The following TMEM120B variants were observed in gnomAD, a reference collection of about 807,000 sequenced individuals.
TMEM120B encodes the protein transmembrane protein 120B.
In TMEM120B, 31 loss-of-function variants were observed where a neutral mutation model predicts 55.5. The observed-to-expected ratio is 0.56, with a 90% confidence interval of 0.42 to 0.75. The LOEUF is 0.75. Ranked by LOEUF, TMEM120B falls within the 30% of genes least tolerant of loss-of-function variation. The pLI, the probability that TMEM120B is intolerant of heterozygous loss-of-function variation, is 0.00. For synonymous variants in TMEM120B, 203 were observed against 176.3 expected, an observed-to-expected ratio of 1.15 and a Z score of -1.20; for missense variants, 399 against 425.5, an observed-to-expected ratio of 0.94 and a Z score of 0.55.
chr12:121,721,804 CTTTTTT>C (rs56702857), intron 1 of TMEM120B, among the ~76,000 whole-genome samples: 1 of 91,878 alleles, frequency 1.1e-5, no homozygotes, highest in African/African-American at 4.7e-5. Flanking sequence ...ATCAGTTCTA[CTTTTTT>C]TTTTTTTTTT....
intron 1 of TMEM120B, among the ~76,000 whole-genome samples, chr12:121,731,262 A>AT (rs1566509427): frequency 6.6e-6 from 1 of 151,690 alleles, no homozygotes; most frequent in Non-Finnish European, 1.5e-5. Context: ...TATTTATTTT[A>AT]TTTTTTTCAG....
chr12:121,773,996 C>G (rs529312087), intron 9 of TMEM120B, among the ~76,000 whole-genome samples: 1 of 143,934 alleles, frequency 6.9e-6, no homozygotes, highest in African/African-American at 2.6e-5. Context: ...CTCACTCTTG[C>G]CCAGGCTGCA....
intron 6 of TMEM120B, among the ~76,000 whole-genome samples, chr12:121,770,204 C>T (rs2137369341): frequency 6.6e-6 from 1 of 152,130 alleles, no homozygotes; most frequent in Non-Finnish European, 1.5e-5. Flanking sequence ...GGGCTGGTTT[C>T]TCCTGAGACC....
At chr12:121,742,583 T>C (rs1416774098) in intron 1 of TMEM120B, among the ~76,000 whole-genome samples, 13 of 152,150 alleles carry the variant, frequency 8.5e-5, no homozygotes, top group Admixed American at 7.2e-4. Context: ...CTTATTGTTT[T>C]TGTTTTTATT....
intron 1 of TMEM120B, among the ~76,000 whole-genome samples, chr12:121,734,998 G>T (rs1270419325): frequency 2.0e-5 from 3 of 151,758 alleles, no homozygotes; most frequent in African/African-American, 4.8e-5. Flanking sequence ...CTGCCCATGG[G>T]TTAGCCCTGC....
chr12:121,751,719 C>A (rs1444604536), intron 4 of TMEM120B, among the ~76,000 whole-genome samples: 1 of 150,254 alleles, frequency 6.7e-6, no homozygotes, highest in Admixed American at 6.7e-5. Context: ...CCATTTCGCA[C>A]AAGAAATGGC....
intron 1 of TMEM120B, among the ~76,000 whole-genome samples, chr12:121,738,676 C>T (rs549642497): frequency 2.1e-3 from 316 of 152,244 alleles, no homozygotes; most frequent in African/African-American, 7.2e-3. Context: ...GAAAGTTGGA[C>T]GCTACATAGC....
intron 6 of TMEM120B, among the ~76,000 whole-genome samples, chr12:121,761,940 A>T (rs1873692060): frequency 6.6e-6 from 1 of 152,152 alleles, no homozygotes; most frequent in African/African-American, 2.4e-5. Context: ...CTTGCTTATG[A>T]GCAATAGAAG....
chr12:121,733,161 G>C (rs980660972), intron 1 of TMEM120B, among the ~76,000 whole-genome samples: 1 of 152,074 alleles, frequency 6.6e-6, no homozygotes, highest in Non-Finnish European at 1.5e-5. Context: ...TAAATATCCA[G>C]CAATAGGGGA....
rs568182225 is a variant in TMEM120B at position 121,750,829 on chromosome 12, C to A, written c.365+390C>A. On this transcript the variant is annotated intron_variant, in intron 4 of 11. Coordinates refer to ENST00000449592, the MANE Select transcript of TMEM120B (RefSeq NM_001080825.2). The stretch of plus-strand genomic sequence containing the variant: ...CCATACACAACACCCCACACCAACA[C>A]CACACACCACACTCCACACCCCATA... Among the ~76,000 whole-genome samples, 170 of 135,948 alleles carry A rather than the reference C, an allele frequency of 1.3e-3. 1 individual carries two copies. The highest frequency in any genetic ancestry group is 9.6e-3 in the South Asian group (38 of 3,978). 89.2% of individuals were successfully genotyped at this position (135,948 alleles called of 152,430 possible).
intron 1 of TMEM120B, among the ~76,000 whole-genome samples, chr12:121,736,007 TAA>T: frequency 6.6e-6 from 1 of 152,086 alleles, no homozygotes; most frequent in South Asian, 2.1e-4. Flanking sequence ...CAATAATCTA[TAA>T]AAGTGTTACT....
At chr12:121,770,781 T>C (rs746354484) in intron 6 of TMEM120B, 126 bp from the exon 7 acceptor site, 164 of 837,788 alleles carry the variant, frequency 2.0e-4, no homozygotes, top group Non-Finnish European at 3.0e-4. Flanking sequence ...TTCCAGTCTG[T>C]TTCTTACTCC....
intron 1 of TMEM120B, 77 bp downstream of exon 1, chr12:121,713,041 G>C (rs1332947972): frequency 1.6e-6 from 2 of 1,278,952 alleles, no homozygotes; most frequent in Non-Finnish European, 2.1e-6. Flanking sequence ...CCCCCGGCCC[G>C]GGCGGTGGGG....
chr12:121,750,525 C>T, intron 4 of TMEM120B, 86 bp downstream of exon 4: 1 of 1,033,606 alleles, frequency 9.7e-7, no homozygotes, highest in Non-Finnish European at 1.5e-6. Flanking sequence ...CACTGAGAAC[C>T]CACACCCCAC....
chr12:121,775,209 C>T lies in TMEM120B; in HGVS notation c.906+79C>T. The T allele has an allele frequency of 1.8e-6, 2 of 1,123,808 alleles. No homozygotes were observed. Among genetic ancestry groups the T allele is most frequent in the Admixed American group, 2.3e-5 (1 of 44,224 alleles). The allele number at this position is 1,123,808 out of a possible 1,614,324, so 69.6% of individuals were successfully genotyped here. Reference sequence around the variant, plus strand: ...AGGGATGGGGTGTATGTGTGGCATGCTGGGGTGCGGATTCCTGGGGAGGGC... The same window carrying T: ...AGGGATGGGGTGTATGTGTGGCATGTTGGGGTGCGGATTCCTGGGGAGGGC... On this transcript the variant is annotated intron_variant, in intron 11 of 11. Coordinates refer to ENST00000449592, the MANE Select transcript of TMEM120B (RefSeq NM_001080825.2). The surrounding 1 kb of genome is among the most constrained non-coding windows in gnomAD (Gnocchi z 4.3).
chr12:121,749,951 C>T (rs1873223201), intron 3 of TMEM120B, among the ~76,000 whole-genome samples: 1 of 149,802 alleles, frequency 6.7e-6, no homozygotes, highest in African/African-American at 2.5e-5. Flanking sequence ...TATGATCATA[C>T]CATTGCACTC....
intron 4 of TMEM120B, among the ~76,000 whole-genome samples, chr12:121,751,000 CCATATT>C (rs1330431618): frequency 3.8e-4 from 43 of 112,660 alleles, no homozygotes; most frequent in African/African-American, 5.7e-4. Context: ...ACCCCACACC[CCATATT>C]CACACCCCAC....
At chr12:121,750,928 T>TATACTCA (rs1873286348) in intron 4 of TMEM120B, among the ~76,000 whole-genome samples, 2 of 4,858 alleles carry the variant, frequency 4.1e-4, no homozygotes, top group East Asian at 5.2e-3. Context: ...CACCCACACC[T>TATACTCA]CACCCCACAC....
At chr12:121,748,473 A>C (rs1263370555) in intron 3 of TMEM120B, 31 bp downstream of exon 3, 1 of 1,477,988 alleles carries the variant, frequency 6.8e-7, no homozygotes, top group Admixed American at 1.8e-5. Context: ...CACCCCTAGC[A>C]CAGGCCCATG....
Sources: gnomAD v4.1 joint callset for allele counts (sites outside exome capture counted in the v4.1 genomes callset) on GRCh38, gnomAD v4.1.1 for gene constraint, Gnocchi (gnomAD v3.1) non-coding constraint, MANE v1.5 for transcripts, NCBI Gene and HGNC (gene_info 2026-07-23, HGNC 2026-07-21) for gene names.